Variants in VPS13C observed in about 807,000 individuals in gnomAD.
VPS13C encodes the protein vacuolar protein sorting 13 homolog C.
VPS13C carries 358 observed loss-of-function variants against 456.8 expected under a neutral mutation model. The ratio of observed to expected loss-of-function variants is 0.78; its 90% CI spans 0.72 to 0.86. The LOEUF is 0.86. Ranked by LOEUF, VPS13C falls within the 40% of genes least tolerant of loss-of-function variation. The pLI, the probability that VPS13C is intolerant of heterozygous loss-of-function variation, is 0.00. For synonymous variants in VPS13C, 1,578 were observed against 1,486.7 expected (o/e 1.06, Z -1.41); for missense variants, 4,818 against 4,385.4 (o/e 1.10, Z -2.79).
intron 66 of VPS13C, among the ~76,000 whole-genome samples, chr15:61,903,186 A>T (rs1235757492): frequency 6.6e-6 from 1 of 151,898 alleles, no homozygotes; most frequent in Non-Finnish European, 1.5e-5. Context: ...AAACAAAAAC[A>T]AAAACGCTGG....
intron 66 of VPS13C, among the ~76,000 whole-genome samples, chr15:61,896,796 G>T (rs979541668): frequency 6.6e-6 from 1 of 152,172 alleles, no homozygotes; most frequent in Non-Finnish European, 1.5e-5. Context: ...ACCTCTGGGG[G>T]CAGGGCACAG....
At position 61,907,383 on chromosome 15, in the gene VPS13C, G is replaced by A; in HGVS notation, c.8986C>T (p.Pro2996Ser). The change falls in exon 66 of 85, where the codon CCA (proline) becomes TCA (serine). Residue 2996 changes from proline (P) to serine (S), a missense_variant. Pro to Ser is a moderately conservative substitution (Grantham distance 74). Coordinates refer to ENST00000644861, the MANE Select transcript of VPS13C (RefSeq NM_020821.3). The stretch of plus-strand genomic sequence containing the variant: ...CTTGGCAGCAAGACCATTTCTTCTG[G>A]TGACCCACTAAAACACAATGAACAG... ...DILTYKQSGS[P>S]EEMVLLPRQA... 1.2e-6 allele frequency: 2 copies of A among 1,613,724 alleles called. No homozygotes were observed. Among genetic ancestry groups the A allele is most frequent in the East Asian group, 2.2e-5 (1 of 44,864 alleles).
chr15:61,903,456 T>C (rs2043064523), intron 66 of VPS13C, among the ~76,000 whole-genome samples: 1 of 151,954 alleles, frequency 6.6e-6, no homozygotes, highest in Non-Finnish European at 1.5e-5. Context: ...GGAAAAAGAT[T>C]TGACCAAAAT....
chr15:61,962,106 A>G (rs1281521113), intron 34 of VPS13C, among the ~76,000 whole-genome samples: 1 of 152,188 alleles, frequency 6.6e-6, no homozygotes, highest in Non-Finnish European at 1.5e-5. Flanking sequence ...GTTAAGGAAC[A>G]GAGAAAAATT....
In VPS13C at chr15:61,958,682, A is replaced by C. The variant is rs768424878; in HGVS notation, c.4091T>G (p.Phe1364Cys). ...SLNQEDLNLL[F>C]RILTENLCEG... Reference sequence around the variant, plus strand: ...ACAGAGATTTTCTGTTAGTATCCTAAATAAAAGATTAAGATCTTCTTGATT... The same window carrying C: ...ACAGAGATTTTCTGTTAGTATCCTACATAAAAGATTAAGATCTTCTTGATT... Residue 1364 changes from phenylalanine (F) to cysteine (C), a missense_variant, in exon 37 of 85, where the codon TTT (phenylalanine) becomes TGT (cysteine). Phe to Cys is a radical substitution (Grantham distance 205). Around this residue, in one of 3 missense-constraint regions of VPS13C, gnomAD observed 4,552 missense variants for 4,130.6 expected, o/e 1.10. Transcript: ENST00000644861. 6.4e-7 allele frequency: 1 copy of C among 1,566,906 alleles called. No individual in the cohort carries two copies. The highest frequency in any genetic ancestry group is 8.6e-7 in the Non-Finnish European group (1 of 1,161,562).
intron 68 of VPS13C, among the ~76,000 whole-genome samples, chr15:61,883,116 G>T (rs1194027750): frequency 6.6e-6 from 1 of 151,532 alleles, no homozygotes; most frequent in Non-Finnish European, 1.5e-5. Context: ...TCAACCTCCT[G>T]GCCTCAAGTG....
intron 1 of VPS13C, among the ~76,000 whole-genome samples, chr15:62,049,105 T>A (rs546608286): frequency 3.5e-4 from 53 of 152,228 alleles, no homozygotes; most frequent in African/African-American, 1.2e-3. Context: ...CTCTTTAGTT[T>A]AATTAGATCC....
At chr15:62,019,026 G>T (rs188965629) in intron 9 of VPS13C, among the ~76,000 whole-genome samples, 8,924 of 152,188 alleles carry the variant, frequency 0.059, 319 homozygotes, top group Non-Finnish European at 0.08. Flanking sequence ...GAGGGTGTAT[G>T]TGTCGAGGAA....
In VPS13C at chr15:61,883,000, C is replaced by G. The variant is rs1895985834; in HGVS notation, c.9484-264G>C. Reference sequence around the variant, plus strand: ...TGCTTTATGTAAAAGAAAACTTCCTCAAGTAACGAATAGTTCCAGATAATT... The same window carrying G: ...TGCTTTATGTAAAAGAAAACTTCCTGAAGTAACGAATAGTTCCAGATAATT... On this transcript the variant is annotated intron_variant, in intron 68 of 84. Transcript: ENST00000644861. Among the ~76,000 whole-genome samples, 5 of 151,934 alleles carry G rather than the reference C, an allele frequency of 3.3e-5. No homozygotes were observed. The South Asian group carries it at 1.0e-3, about 31-fold the overall frequency.
intron 66 of VPS13C, among the ~76,000 whole-genome samples, chr15:61,904,545 G>A (rs1426807765): frequency 6.6e-6 from 1 of 150,710 alleles, no homozygotes. Flanking sequence ...GCACAGTGTT[G>A]ATGGGAATGT....
intron 49 of VPS13C, among the ~76,000 whole-genome samples, chr15:61,932,540 C>G (rs1182398643): frequency 2.6e-5 from 4 of 151,478 alleles, no homozygotes; most frequent in Non-Finnish European, 4.4e-5. Context: ...AAAAAAAAAC[C>G]CCAGCCAATC....
chr15:62,051,943 T>C (rs2048634018), intron 1 of VPS13C, among the ~76,000 whole-genome samples: 1 of 152,242 alleles, frequency 6.6e-6, no homozygotes, highest in African/African-American at 2.4e-5. Flanking sequence ...GATTTTCAAA[T>C]CTAAGCCCCT....
chr15:61,978,183 T>C (rs1253070521), intron 23 of VPS13C, among the ~76,000 whole-genome samples: 1 of 152,086 alleles, frequency 6.6e-6, no homozygotes, highest in Non-Finnish European at 1.5e-5. Flanking sequence ...CTCAGATATC[T>C]ACAAAAGTAG....
intron 9 of VPS13C, among the ~76,000 whole-genome samples, chr15:62,015,012 C>G (rs1209595162): frequency 6.6e-6 from 1 of 152,092 alleles, no homozygotes; most frequent in Non-Finnish European, 1.5e-5. Flanking sequence ...CAGCAGCAAA[C>G]ACTAAGGAAA....
At position 61,931,064 on chromosome 15, in the gene VPS13C, G is replaced by A. The variant is rs1469430687; in HGVS notation, c.6038+26C>T. 8 of 1,612,584 alleles carry A rather than the reference G, an allele frequency of 5.0e-6. No individual in the cohort carries two copies. The South Asian group carries it at 8.8e-5, about 18-fold the overall frequency. On this transcript the variant is annotated intron_variant, in intron 50 of 84. Coordinates refer to ENST00000644861, the MANE Select transcript of VPS13C (RefSeq NM_020821.3). ...AGGTGCAATGTCAACCTTAAATAAT[G>A]TATTGCAAACTCAGAGCTGACAAAC... is the stretch of plus-strand genomic sequence containing the variant.
intron 6 of VPS13C, among the ~76,000 whole-genome samples, chr15:62,024,838 T>C (rs937161078): frequency 6.6e-6 from 1 of 152,108 alleles, no homozygotes; most frequent in African/African-American, 2.4e-5. Context: ...CCATACTTTC[T>C]AATGCCTAAT....
intron 18 of VPS13C, among the ~76,000 whole-genome samples, chr15:61,988,789 T>C (rs911458474): frequency 6.6e-6 from 1 of 152,116 alleles, no homozygotes; most frequent in Non-Finnish European, 1.5e-5. Context: ...ACTTAACTGA[T>C]GATAAAGAGG....
chr15:61,868,828 ATG>A (rs1379171885), intron 80 of VPS13C, 55 bp from the exon 81 acceptor site: 8 of 1,359,606 alleles, frequency 5.9e-6, no homozygotes, highest in East Asian at 4.7e-5. Context: ...TTTCAAAATA[ATG>A]TGTGTGTTGA....
rs1320133270 is a variant in VPS13C at position 61,922,080 on chromosome 15, T to C, written c.6976-47A>G. 48 of 1,576,670 alleles carry C rather than the reference T, an allele frequency of 3.0e-5. No homozygotes were observed. In the East Asian group the frequency reaches 1.0e-3, roughly 34 times the overall value. ...TATAAGACAGTCCTTTGGCTTTAAT[T>C]ACATATTTCTGTAACCAATAGGGAA... On this transcript the variant is annotated intron_variant, in intron 54 of 84. Transcript: ENST00000644861.
Sources: gnomAD v4.1 joint callset for allele counts (sites outside exome capture counted in the v4.1 genomes callset) on GRCh38, gnomAD v4.1.1 for gene constraint, gnomAD v4.1.1 regional missense constraint, MANE v1.5 for transcripts, NCBI Gene and HGNC (gene_info 2026-07-23, HGNC 2026-07-21) for gene names.